The following PHF14 variants were observed in gnomAD, a reference collection of about 807,000 sequenced individuals.
PHF14 encodes the protein PHD finger protein 14.
Under a neutral mutation model 117.9 loss-of-function variants are expected in PHF14, and 55 were observed. The ratio of observed to expected loss-of-function variants is 0.47; its 90% confidence interval spans 0.38 to 0.58. The LOEUF is 0.58. Among genes scored for constraint, PHF14 ranks in the 20% least tolerant of loss-of-function variants. PHF14 has a pLI of 0.00. For synonymous variants in PHF14, 409 were observed against 368.6 expected, an observed-to-expected ratio of 1.11 and a Z score of -1.26; for missense variants, 978 against 1,122.2, an observed-to-expected ratio of 0.87 and a Z score of 1.84.
At chr7:11,076,385 C>T (rs1450436364) in intron 16 of PHF14, among the ~76,000 whole-genome samples, 1 of 152,020 alleles carries the variant, frequency 6.6e-6, no homozygotes, top group Non-Finnish European at 1.5e-5. Flanking sequence ...AGTGCTATAA[C>T]CTCTATTCTT....
rs1476691979 is a variant in PHF14 at position 11,096,797 on chromosome 7, A to G, written c.2655-14553A>G. Reference sequence around the variant, plus strand: ...ATTAATAAGGAACTACATAGGAAGTAAAGTTGTTTCTTGAGTTTACCAATT... The same window carrying G: ...ATTAATAAGGAACTACATAGGAAGTGAAGTTGTTTCTTGAGTTTACCAATT... On this transcript the variant is annotated intron_variant, in intron 16 of 17. Coordinates refer to ENST00000634607, the MANE Select transcript of PHF14 (RefSeq NM_001007157.2). 2.0e-5 allele frequency among the ~76,000 whole-genome samples: 3 copies of G among 152,098 alleles called. No homozygotes were observed. In the East Asian group the frequency reaches 5.8e-4, roughly 29 times the overall value.
chr7:10,980,896 G>T (rs780165354), intron 2 of PHF14, among the ~76,000 whole-genome samples: 1 of 152,044 alleles, frequency 6.6e-6, no homozygotes, highest in Non-Finnish European at 1.5e-5. Context: ...TTGCTGACCC[G>T]TATGATATTG....
intron 14 of PHF14, among the ~76,000 whole-genome samples, chr7:11,060,940 A>G (rs1785203234): frequency 6.6e-6 from 1 of 152,134 alleles, no homozygotes; most frequent in African/African-American, 2.4e-5. Context: ...ATGTAAGAAA[A>G]TATTAATATA....
chr7:11,129,161 T>C (rs1788018857), intron 17 of PHF14, among the ~76,000 whole-genome samples: 1 of 152,108 alleles, frequency 6.6e-6, no homozygotes, highest in Non-Finnish European at 1.5e-5. Context: ...TTACTGAAAT[T>C]ATTTTTAAAA....
chr7:11,007,238 C>CT (rs1004316437), intron 4 of PHF14, among the ~76,000 whole-genome samples: 1 of 151,890 alleles, frequency 6.6e-6, no homozygotes, highest in Non-Finnish European at 1.5e-5. Context: ...ATTAGGTTCT[C>CT]TTTTTTTCTC....
chr7:11,144,330 G>C (rs1372708923), intron 17 of PHF14, among the ~76,000 whole-genome samples: 3 of 151,782 alleles, frequency 2.0e-5, no homozygotes, highest in Non-Finnish European at 4.4e-5. Context: ...ACTAAAAGTA[G>C]AACTAACTTA....
chr7:10,979,832 T>C (rs1239335600), intron 2 of PHF14, among the ~76,000 whole-genome samples: 14 of 152,140 alleles, frequency 9.2e-5, no homozygotes. Flanking sequence ...TAAAATTTGA[T>C]ATATTGCTGA....
chr7:11,165,626 T>C (rs1369000410), intron 17 of PHF14, among the ~76,000 whole-genome samples: 3 of 152,318 alleles, frequency 2.0e-5, no homozygotes, highest in East Asian at 3.9e-4. Flanking sequence ...CTGAGTGATA[T>C]AAATTCCAGA....
At chr7:11,077,915 AT>A (rs1245371722) in intron 16 of PHF14, among the ~76,000 whole-genome samples, 20 of 152,320 alleles carry the variant, frequency 1.3e-4, no homozygotes, top group African/African-American at 4.3e-4. Context: ...GTTTTGCACC[AT>A]TAAGTTGCTT....
At chr7:11,152,238 A>G (rs574290888) in intron 17 of PHF14, among the ~76,000 whole-genome samples, 1 of 152,168 alleles carries the variant, frequency 6.6e-6, no homozygotes, top group Non-Finnish European at 1.5e-5. Context: ...ATCATGAGCA[A>G]TTCTAACTGT....
At chr7:11,056,162 G>T (rs76804313) in intron 14 of PHF14, among the ~76,000 whole-genome samples, 2,987 of 152,276 alleles carry the variant, frequency 0.02, 39 homozygotes, top group Middle Eastern at 0.044. Flanking sequence ...GATCTACTCT[G>T]TGGGTGTCCT....
chr7:11,078,656 C>T (rs1008201228), intron 16 of PHF14, among the ~76,000 whole-genome samples: 1 of 152,016 alleles, frequency 6.6e-6, no homozygotes, highest in Non-Finnish European at 1.5e-5. Flanking sequence ...AGCCTCTCAC[C>T]CAACAGTGCT....
At chr7:11,042,066 C>G (rs1389117434) in intron 12 of PHF14, among the ~76,000 whole-genome samples, 1 of 151,866 alleles carries the variant, frequency 6.6e-6, no homozygotes. Context: ...TAGTAGCAAT[C>G]ACAAAATTCC....
At chr7:11,169,093 T>A (rs2128359310) in intron 17 of PHF14, among the ~76,000 whole-genome samples, 1 of 151,994 alleles carries the variant, frequency 6.6e-6, no homozygotes, top group Non-Finnish European at 1.5e-5. Flanking sequence ...CAATTAAATT[T>A]ATTGTTTTTT....
chr7:11,013,568 C>G (rs954653114), intron 4 of PHF14, among the ~76,000 whole-genome samples, 179 bp from the exon 5 acceptor site: 3 of 152,080 alleles, frequency 2.0e-5, no homozygotes, highest in Admixed American at 1.3e-4. Context: ...ATTGTGTATA[C>G]TACATTAGGT....
intron 2 of PHF14, 50 bp from the exon 3 acceptor site, chr7:10,982,322 G>GTA: frequency 8.4e-7 from 1 of 1,184,044 alleles, no homozygotes; most frequent in Non-Finnish European, 1.2e-6. Context: ...GTGTGTGTGT[G>GTA]TGTATGTATA....
At chr7:11,041,714 G>A (rs1293943627) in intron 12 of PHF14, among the ~76,000 whole-genome samples, 4 of 151,676 alleles carry the variant, frequency 2.6e-5, no homozygotes, top group African/African-American at 4.8e-5. Context: ...AAACACGGTT[G>A]GTTCATTTGG....
chr7:11,000,061 T>C (rs889520143), intron 4 of PHF14, among the ~76,000 whole-genome samples: 3 of 152,178 alleles, frequency 2.0e-5, no homozygotes, highest in African/African-American at 4.8e-5. Flanking sequence ...TTGACCACTT[T>C]AGGTGAATCT....
chr7:11,113,281 T>G (rs190592905), intron 17 of PHF14, among the ~76,000 whole-genome samples: 1 of 152,152 alleles, frequency 6.6e-6, no homozygotes, highest in Non-Finnish European at 1.5e-5. Flanking sequence ...TATTTTAGAT[T>G]TGTTTGAAAC....
Sources: gnomAD v4.1 joint callset for allele counts (sites outside exome capture counted in the v4.1 genomes callset) on GRCh38, gnomAD v4.1.1 for gene constraint, MANE v1.5 for transcripts, NCBI Gene and HGNC (gene_info 2026-07-23, HGNC 2026-07-21) for gene names.